The following CLEC12A variants were observed in gnomAD, a reference collection of about 807,000 sequenced individuals.
The protein encoded by CLEC12A is C-type lectin protein CLL-1.
CLEC12A carries 22 observed loss-of-function variants against 26.5 expected under a neutral mutation model. That is an observed-to-expected ratio of 0.83 (90% CI 0.59 to 1.19). CLEC12A has a LOEUF of 1.19. CLEC12A is among the 50% of genes most tolerant of loss of function. CLEC12A has a pLI of 0.00. For synonymous variants in CLEC12A, 119 were observed against 101.9 expected (o/e 1.17, Z -1.01); for missense variants, 353 against 315.6 (o/e 1.12, Z -0.90).
At chr12:9,957,669 C>G (rs936847501) in intron 1 of CLEC12A, among the ~76,000 whole-genome samples, 5 of 151,974 alleles carry the variant, frequency 3.3e-5, no homozygotes, top group African/African-American at 1.2e-4. Context: ...TTTATACAAA[C>G]GAAAGGGCAG....
chr12:9,980,689 G>A lies in CLEC12A; in HGVS notation c.487G>A (p.Ala163Thr), dbSNP rs749044290. ...GCAGGAGAGTAAAATGGCCTGTGCTGCTCAGAATGCCAGCCTGTTGAAGAT... is the reference window on the plus strand; with the variant it reads ...GCAGGAGAGTAAAATGGCCTGTGCTACTCAGAATGCCAGCCTGTTGAAGAT... ...TWQESKMACA[A>T]QNASLLKINN... The change falls in exon 4 of 6, where the codon GCT becomes ACT. Residue 163 changes from alanine to threonine, a missense_variant. Ala to Thr is a moderately conservative substitution (Grantham distance 58). Transcript: ENST00000304361. 2.7e-5 allele frequency: 43 copies of A among 1,613,612 alleles called. 1 individual carries two copies. The highest frequency in any genetic ancestry group is 3.6e-5 in the Non-Finnish European group (42 of 1,179,808).
At chr12:9,982,515 T>A (rs1206289161) in intron 5 of CLEC12A, among the ~76,000 whole-genome samples, 1 of 152,102 alleles carries the variant, frequency 6.6e-6, no homozygotes, top group East Asian at 1.9e-4. Context: ...ATGTGCAGAC[T>A]GATTGAATTA....
intron 1 of CLEC12A, among the ~76,000 whole-genome samples, chr12:9,976,091 G>T (rs770034839): frequency 5.3e-5 from 8 of 152,182 alleles, no homozygotes; most frequent in Non-Finnish European, 1.2e-4. Context: ...GCAGGCATGG[G>T]GTGCTCATGG....
chr12:9,969,187 G>A (rs1298906761), upstream of CLEC12A, among the ~76,000 whole-genome samples: 1 of 152,102 alleles, frequency 6.6e-6, no homozygotes, highest in Non-Finnish European at 1.5e-5. Flanking sequence ...AGTACAGTGG[G>A]AAAACTATAG....
In CLEC12A at chr12:9,993,409, A is replaced by AG; in HGVS notation, n.1005-1609_1005-1608insG. On this transcript the variant is annotated intron_variant and non_coding_transcript_variant, in intron 4 of 4. Coordinates refer to the CLEC12A transcript ENST00000449959. The stretch of plus-strand genomic sequence containing the variant: ...TGAGGAAAATAGGAAAAAAAAACAA[A>AG]AAAAAAAACGATTCTCATTGTTGAG... The AG allele has an allele frequency of 2.7e-6, 2 of 745,462 alleles. 1 individual carries two copies. The highest frequency in any genetic ancestry group is 4.2e-6 in the Non-Finnish European group (2 of 472,562). 46.2% of individuals were successfully genotyped at this position (745,462 alleles called of 1,614,324 possible).
At chr12:9,983,883 A>C in intron 5 of CLEC12A, 1 of 234,240 alleles carries the variant, frequency 4.3e-6, no homozygotes, top group Non-Finnish European at 8.6e-6. Context: ...AGAAGGATAT[A>C]TATTTCAAAG....
At chr12:9,987,808 A>T (rs572236885), downstream of CLEC12A, among the ~76,000 whole-genome samples, 5 of 148,372 alleles carry the variant, frequency 3.4e-5, no homozygotes, top group African/African-American at 7.4e-5. Context: ...TCTTTCTTTT[A>T]TTTATTTATT....
At chr12:9,995,319 G>A in exon 5 of CLEC12A, 1 of 1,296,758 alleles carries the variant, frequency 7.7e-7, no homozygotes, top group East Asian at 2.3e-5. Context: ...AAAGCTTCAT[G>A]ATAAGACGTT....
At chr12:10,004,297 TA>T in the CLEC12A span, among the ~76,000 whole-genome samples, 1 of 152,208 alleles carries the variant, frequency 6.6e-6, no homozygotes, top group Non-Finnish European at 1.5e-5. Context: ...CAGCTTTCTG[TA>T]TTCCAAGCTC....
downstream of CLEC12A, chr12:9,998,318 C>T: frequency 2.5e-6 from 4 of 1,614,050 alleles, no homozygotes; most frequent in Non-Finnish European, 3.4e-6. Flanking sequence ...ACAACCATCC[C>T]CACGCACAGG....
intron 1 of CLEC12A, among the ~76,000 whole-genome samples, chr12:9,956,563 A>C (rs1447877): frequency 0.28 from 43,341 of 152,122 alleles, 6,687 homozygotes; most frequent in East Asian, 0.47. Flanking sequence ...CAGATCAATT[A>C]TTGGTTGTGC....
At chr12:9,977,963 G>A (rs1342635370) in intron 1 of CLEC12A, among the ~76,000 whole-genome samples, 1 of 152,058 alleles carries the variant, frequency 6.6e-6, no homozygotes, top group Admixed American at 6.6e-5. Context: ...AGATAGCACT[G>A]GCATTTATAA....
At position 9,957,056 on chromosome 12, in the gene CLEC12A, CAATT is replaced by C. The variant is rs76236178; in HGVS notation, c.10+5705_10+5708del. Among the ~76,000 whole-genome samples, 27 of 152,240 alleles carry C rather than the reference CAATT, an allele frequency of 1.8e-4. 1 individual carries two copies. Among genetic ancestry groups the C allele is most frequent in the East Asian group, 7.7e-4 (4 of 5,192 alleles). ...ACCAAAATGTATCTGAGGTAGGTCTCAATTAATTTCAAAGTTTATTTTGCCAAGG... is the reference window on the plus strand; with the variant it reads ...ACCAAAATGTATCTGAGGTAGGTCTCAATTTCAAAGTTTATTTTGCCAAGG... On this transcript the variant is annotated intron_variant, in intron 1 of 6. Coordinates refer to the CLEC12A transcript ENST00000355690.
intron 4 of CLEC12A, chr12:9,992,930 T>C (rs565594907): frequency 1.3e-5 from 6 of 457,800 alleles, no homozygotes; most frequent in African/African-American, 1.2e-4. Context: ...TAAAGGAAAA[T>C]AGAACAATTG....
Position 9,959,569 on chromosome 12 carries a change from G to A in CLEC12A, c.10+8213G>A, listed in dbSNP as rs1486827490. On this transcript the variant is annotated intron_variant, in intron 1 of 6. Coordinates refer to the CLEC12A transcript ENST00000355690. The stretch of plus-strand genomic sequence containing the variant: ...GGCACCTCTATTCTTGTGTGGCCTA[G>A]AATGTTTAATTGACTATAAGTCTTT... Among the ~76,000 whole-genome samples, 9 of 152,082 alleles carry A rather than the reference G, an allele frequency of 5.9e-5. No homozygotes were observed. The South Asian group carries it at 1.9e-3, about 31-fold the overall frequency.
chr12:9,952,159 C>G lies in CLEC12A; in HGVS notation c.10+803C>G, dbSNP rs1246963215. 6.9e-5 allele frequency: 8 copies of G among 116,486 alleles called. No homozygotes were observed. The South Asian group carries it at 1.1e-3, about 16-fold the overall frequency. 7.2% of individuals were successfully genotyped at this position (116,486 alleles called of 1,614,324 possible). A position where few individuals can be genotyped will look rare whatever the true frequency, so the allele number is the denominator to read the frequency against. ...CCTCTCCCTCTCCGTCTCCCTCTCC[C>G]TCTCCCTCTCCGTCTCCCTCTCCCT... On this transcript the variant is annotated intron_variant, in intron 1 of 6. Coordinates refer to the CLEC12A transcript ENST00000355690.
At chr12:10,003,548 G>T in the CLEC12A span, among the ~76,000 whole-genome samples, 7,725 of 152,182 alleles carry the variant, frequency 0.051, 277 homozygotes, top group African/African-American at 0.097. Flanking sequence ...AAAGGAGAAG[G>T]CAATGTTTTT....
At chr12:9,958,244 G>A (rs1397402485) in intron 1 of CLEC12A, among the ~76,000 whole-genome samples, 1 of 152,222 alleles carries the variant, frequency 6.6e-6, no homozygotes, top group Non-Finnish European at 1.5e-5. Context: ...ATGCTGCAGA[G>A]TGGAAGATCC....
intron 1 of CLEC12A, among the ~76,000 whole-genome samples, chr12:9,955,475 C>A (rs1863729620): frequency 6.6e-6 from 1 of 152,096 alleles, no homozygotes; most frequent in African/African-American, 2.4e-5. Flanking sequence ...TTTGATATCT[C>A]TTTTCTCATA....
Sources: gnomAD v4.1 joint callset for allele counts (sites outside exome capture counted in the v4.1 genomes callset) on GRCh38, gnomAD v4.1.1 for gene constraint, MANE v1.5 for transcripts, NCBI Gene and HGNC (gene_info 2026-07-23, HGNC 2026-07-21) for gene names.